Variants in ERC1 observed in about 807,000 individuals in gnomAD.
The protein encoded by ERC1 is ELKS/RAB6-interacting/CAST family member 1.
ERC1 carries 56 observed loss-of-function variants against 132.0 expected under a neutral mutation model. The ratio of observed to expected loss-of-function variants is 0.42; its 90% CI spans 0.34 to 0.53. The LOEUF (loss-of-function observed/expected upper bound fraction) is 0.53. Ranked by LOEUF, ERC1 falls within the 20% of genes least tolerant of loss-of-function variation. The pLI, the probability that ERC1 is intolerant of heterozygous loss-of-function variation, is 0.03. For synonymous variants in ERC1, 478 were observed against 476.1 expected (o/e 1.00, Z -0.05); for missense variants, 1,202 against 1,349.9 (o/e 0.89, Z 1.72).
chr12:1,435,647 G>T (rs1250752080), intron 17 of ERC1, among the ~76,000 whole-genome samples: 2 of 152,162 alleles, frequency 1.3e-5, no homozygotes, highest in Non-Finnish European at 2.9e-5. Context: ...GGAAATATTG[G>T]CTGAGGGCCA....
At chr12:1,431,342 A>AACCTTGAAAACATTGG (rs1157695446) in intron 17 of ERC1, among the ~76,000 whole-genome samples, 4 of 152,238 alleles carry the variant, frequency 2.6e-5, no homozygotes, top group Non-Finnish European at 5.9e-5. Flanking sequence ...AGACTTGTCT[A>AACCTTGAAAACATTGG]ACCTTGAAAA....
chr12:1,376,610 CTG>C (rs770416984), intron 16 of ERC1, among the ~76,000 whole-genome samples: 3 of 152,206 alleles, frequency 2.0e-5, no homozygotes, highest in Non-Finnish European at 4.4e-5. Flanking sequence ...AAGGATAAAA[CTG>C]TGGCTAAATT....
At chr12:1,166,620 C>G (rs987118661) in intron 8 of ERC1, among the ~76,000 whole-genome samples, 8 of 152,160 alleles carry the variant, frequency 5.3e-5, no homozygotes, top group Admixed American at 4.6e-4. Flanking sequence ...TTATAAAATT[C>G]TTTTTCTGTA....
chr12:1,180,770 C>T (rs1954360043), intron 9 of ERC1, 93 bp downstream of exon 9: 4 of 1,479,058 alleles, frequency 2.7e-6, no homozygotes, highest in Non-Finnish European at 3.7e-6. Context: ...CCTGTGGGCA[C>T]AAGGGAAAAG....
intron 14 of ERC1, among the ~76,000 whole-genome samples, chr12:1,278,354 C>T (rs552547380): frequency 7.8e-4 from 119 of 152,174 alleles, no homozygotes; most frequent in Non-Finnish European, 1.6e-3. Flanking sequence ...CAGCACTCTG[C>T]ATTTTGATCC....
chr12:1,365,161 A>G (rs1269213615), intron 15 of ERC1, among the ~76,000 whole-genome samples: 2 of 152,200 alleles, frequency 1.3e-5, no homozygotes, highest in Non-Finnish European at 2.9e-5. Flanking sequence ...ATTATGACAT[A>G]TAGAATTGAA....
intron 16 of ERC1, among the ~76,000 whole-genome samples, chr12:1,394,958 T>C (rs1310877298): frequency 6.6e-6 from 1 of 152,250 alleles, no homozygotes; most frequent in African/African-American, 2.4e-5. Context: ...AATAACAGAA[T>C]GCACTTGCCT....
chr12:1,486,542 A>G (rs1386824429), intron 18 of ERC1, among the ~76,000 whole-genome samples: 1 of 152,132 alleles, frequency 6.6e-6, no homozygotes, highest in African/African-American at 2.4e-5. Context: ...CTCATGCCTC[A>G]GCCTCCCGAG....
intron 16 of ERC1, among the ~76,000 whole-genome samples, chr12:1,402,271 C>CT (rs2091133563): frequency 6.6e-6 from 1 of 151,998 alleles, no homozygotes; most frequent in South Asian, 2.1e-4. Context: ...TGGCTCACGC[C>CT]GTAATCCCAG....
intron 17 of ERC1, among the ~76,000 whole-genome samples, chr12:1,424,155 G>A (rs2092530753): frequency 6.6e-6 from 1 of 152,152 alleles, no homozygotes; most frequent in African/African-American, 2.4e-5. Context: ...AAGGTTGACT[G>A]AGCGTTGGTC....
intron 13 of ERC1, among the ~76,000 whole-genome samples, chr12:1,242,909 C>T (rs1037062207): frequency 3.9e-5 from 6 of 152,240 alleles, no homozygotes; most frequent in East Asian, 1.9e-4. Context: ...AAATCGAGGC[C>T]GGGCGCGGTG....
chr12:1,474,114 C>A (rs750624734), intron 18 of ERC1, among the ~76,000 whole-genome samples: 4 of 152,202 alleles, frequency 2.6e-5, no homozygotes, highest in Non-Finnish European at 2.9e-5. Context: ...GTGGGCCAGA[C>A]CTGGCCAGGA....
chr12:1,414,418 G>T (rs1172543339), intron 17 of ERC1, among the ~76,000 whole-genome samples: 3 of 152,092 alleles, frequency 2.0e-5, no homozygotes, highest in Admixed American at 1.3e-4. Flanking sequence ...TATCATGAGG[G>T]CTCCACCCTC....
intron 18 of ERC1, among the ~76,000 whole-genome samples, chr12:1,488,140 GA>G (rs34258622): frequency 0.013 from 887 of 68,120 alleles, 4 homozygotes; most frequent in Middle Eastern, 0.03. Context: ...TCACGTCTCA[GA>G]AAAAAAAAAA....
intron 18 of ERC1, among the ~76,000 whole-genome samples, chr12:1,465,009 C>T (rs1018735623): frequency 2.6e-5 from 4 of 151,948 alleles, no homozygotes; most frequent in Non-Finnish European, 5.9e-5. Flanking sequence ...TTGTGTTGAA[C>T]GTATTCCCAT....
chr12:1,431,517 T>C (rs1232479098), intron 17 of ERC1, among the ~76,000 whole-genome samples: 1 of 152,210 alleles, frequency 6.6e-6, no homozygotes, highest in East Asian at 1.9e-4. Flanking sequence ...TTTTAAATTA[T>C]CTTATGGAAT....
intron 1 of ERC1, among the ~76,000 whole-genome samples, chr12:1,026,389 ATCAC>A (rs1966890057): frequency 6.6e-6 from 1 of 152,210 alleles, no homozygotes; most frequent in African/African-American, 2.4e-5. Flanking sequence ...GCCAAACCAT[ATCAC>A]TCACTGTTTG....
chr12:1,102,882 A>G (rs1434886453), intron 3 of ERC1, among the ~76,000 whole-genome samples: 1 of 152,190 alleles, frequency 6.6e-6, no homozygotes, highest in African/African-American at 2.4e-5. Context: ...TTGAACATTC[A>G]TTTTGTTATG....
chr12:1,250,570 A>T (rs1455676859), intron 13 of ERC1, among the ~76,000 whole-genome samples: 1 of 152,174 alleles, frequency 6.6e-6, no homozygotes, highest in East Asian at 1.9e-4. Context: ...TAATTTAGTT[A>T]TAATTTTTTT....
Sources: allele counts gnomAD v4.1 joint callset (sites outside exome capture counted in the v4.1 genomes callset), GRCh38; gene constraint gnomAD v4.1.1; transcripts MANE v1.5; gene names NCBI Gene and HGNC (gene_info 2026-07-23, HGNC 2026-07-21).